Variants in PPM1H observed in about 807,000 individuals in gnomAD.
The protein encoded by PPM1H is protein phosphatase 1H.
Under a neutral mutation model 54.9 loss-of-function variants are expected in PPM1H, and 27 were observed. That is an observed-to-expected ratio of 0.49 (90% CI 0.36 to 0.68). The LOEUF (loss-of-function observed/expected upper bound fraction) is 0.68. Ranked by LOEUF, PPM1H falls within the 30% of genes least tolerant of loss-of-function variation. The probability of loss-of-function intolerance (pLI) is 0.00; values close to 1 mark genes in which losing one functional copy is unlikely to be tolerated. For missense variants in PPM1H, 596 were observed against 667.8 expected, an observed-to-expected ratio of 0.89 and a Z score of 1.19; for synonymous variants, 305 against 270.8, an observed-to-expected ratio of 1.13 and a Z score of -1.24.
intron 3 of PPM1H, among the ~76,000 whole-genome samples, chr12:62,795,404 T>C (rs2076726753): frequency 6.6e-6 from 1 of 152,034 alleles, no homozygotes; most frequent in Admixed American, 6.6e-5. Context: ...TATTTCTATA[T>C]TCATATAATG....
intron 8 of PPM1H, among the ~76,000 whole-genome samples, chr12:62,683,683 G>A (rs528505720): frequency 3.9e-5 from 6 of 152,316 alleles, no homozygotes; most frequent in East Asian, 1.9e-4. Context: ...TAGCAGGGGC[G>A]GAAAGGGGGC....
chr12:62,664,960 G>A (rs1237577366), intron 9 of PPM1H, among the ~76,000 whole-genome samples: 1 of 150,238 alleles, frequency 6.7e-6, no homozygotes, highest in Non-Finnish European at 1.5e-5. Context: ...TTGAAAGTTG[G>A]CTGTCAGTCT....
At chr12:62,725,660 T>A (rs770852304) in intron 5 of PPM1H, among the ~76,000 whole-genome samples, 1 of 152,238 alleles carries the variant, frequency 6.6e-6, no homozygotes, top group Non-Finnish European at 1.5e-5. Context: ...TAGATTTGTA[T>A]GCTTTTCTCT....
At chr12:62,857,794 G>T (rs1869443421) in intron 1 of PPM1H, among the ~76,000 whole-genome samples, 1 of 151,966 alleles carries the variant, frequency 6.6e-6, no homozygotes, top group African/African-American at 2.4e-5. Context: ...TCATAACTCT[G>T]AACTTTATAT....
intron 4 of PPM1H, among the ~76,000 whole-genome samples, chr12:62,744,965 G>T (rs1025134085): frequency 2.6e-5 from 4 of 152,172 alleles, no homozygotes; most frequent in African/African-American, 9.7e-5. Flanking sequence ...CATGTCATCT[G>T]CCAGACCTTC....
At chr12:62,821,680 G>T (rs1038412403) in intron 2 of PPM1H, among the ~76,000 whole-genome samples, 11 of 152,170 alleles carry the variant, frequency 7.2e-5, no homozygotes, top group Non-Finnish European at 1.5e-4. Context: ...AAGTGAAGGA[G>T]AAATAAAATC....
intron 4 of PPM1H, among the ~76,000 whole-genome samples, chr12:62,753,759 C>T (rs541472048): frequency 7.9e-5 from 12 of 151,982 alleles, no homozygotes; most frequent in Non-Finnish European, 1.5e-4. Flanking sequence ...TTCTCTCCCC[C>T]TCTCTCTGGC....
chr12:62,904,079 A>G (rs573842803), intron 1 of PPM1H, among the ~76,000 whole-genome samples: 1 of 152,310 alleles, frequency 6.6e-6, no homozygotes, highest in South Asian at 2.1e-4. Flanking sequence ...CTTCACTTCA[A>G]AGGAATTACA....
rs141731609 is a variant in PPM1H at position 62,746,695 on chromosome 12, C to A, written c.870-9109G>T. 2.3e-3 allele frequency among the ~76,000 whole-genome samples: 349 copies of A among 152,346 alleles called. 2 individuals carry two copies. Among genetic ancestry groups the A allele is most frequent in the African/African-American group, 8.2e-3 (339 of 41,570 alleles). ...CGGGGCAAGCAAAACTCAACTTACA[C>A]TGTTGTGTGGTGTGGTTTCACCCTG... On this transcript the variant is annotated intron_variant, in intron 4 of 9. Coordinates refer to ENST00000228705, the MANE Select transcript of PPM1H (RefSeq NM_020700.2).
intron 1 of PPM1H, among the ~76,000 whole-genome samples, chr12:62,899,449 GA>G: frequency 6.6e-6 from 1 of 152,202 alleles, no homozygotes; most frequent in African/African-American, 2.4e-5. Context: ...CAATATAACT[GA>G]AACTAGATGG....
At chr12:62,879,199 C>G (rs921053553) in intron 1 of PPM1H, among the ~76,000 whole-genome samples, 2 of 152,204 alleles carry the variant, frequency 1.3e-5, no homozygotes, top group African/African-American at 4.8e-5. Flanking sequence ...CCTTCTCTAT[C>G]CTCCTCTGGA....
chr12:62,794,420 C>T (rs908345029), intron 3 of PPM1H, among the ~76,000 whole-genome samples: 11 of 152,142 alleles, frequency 7.2e-5, no homozygotes, highest in Admixed American at 3.3e-4. Context: ...TTTTTATCAA[C>T]AAAGTCTAGC....
At chr12:62,766,171 T>C (rs544138932) in intron 4 of PPM1H, among the ~76,000 whole-genome samples, 4 of 152,122 alleles carry the variant, frequency 2.6e-5, no homozygotes, top group African/African-American at 9.6e-5. Flanking sequence ...CAGGTCAGGG[T>C]AAATTATCCT....
chr12:62,748,168 G>A (rs943947539), intron 4 of PPM1H, among the ~76,000 whole-genome samples: 3 of 152,098 alleles, frequency 2.0e-5, no homozygotes, highest in African/African-American at 7.2e-5. Context: ...GCGTGAACCC[G>A]GGAGGCGGAG....
chr12:62,805,713 A>AT (rs2076802025), intron 2 of PPM1H, among the ~76,000 whole-genome samples: 1 of 152,160 alleles, frequency 6.6e-6, no homozygotes, highest in Non-Finnish European at 1.5e-5. Flanking sequence ...AAGTGGGGAG[A>AT]TAATGGTCAA....
intron 5 of PPM1H, among the ~76,000 whole-genome samples, chr12:62,737,270 T>C (rs1438291449): frequency 6.7e-6 from 1 of 149,914 alleles, no homozygotes; most frequent in Non-Finnish European, 1.5e-5. Flanking sequence ...TGTCTTCAAT[T>C]GGTCACAGAT....
intron 9 of PPM1H, among the ~76,000 whole-genome samples, chr12:62,664,200 A>G (rs2136609007): frequency 6.6e-6 from 1 of 152,322 alleles, no homozygotes; most frequent in East Asian, 1.9e-4. Flanking sequence ...GGATAAAGTT[A>G]GCTCATGGCA....
chr12:62,671,333 C>T (rs1243854255), intron 8 of PPM1H, among the ~76,000 whole-genome samples: 4 of 152,088 alleles, frequency 2.6e-5, no homozygotes. Flanking sequence ...CCCGGGTTCC[C>T]ATCCACCAAG....
At position 62,730,518 on chromosome 12, in the gene PPM1H, T is replaced by C. The variant is rs2076315382; in HGVS notation, c.954+6984A>G. The stretch of plus-strand genomic sequence containing the variant: ...ATGGCAGATTCCACGACAGAAAATC[T>C]TTTGTAAAGTTCTCTGACTAAAACT... On this transcript the variant is annotated intron_variant, in intron 5 of 9. Transcript: ENST00000228705. 2.0e-5 allele frequency among the ~76,000 whole-genome samples: 3 copies of C among 152,228 alleles called. No homozygotes were observed. In the South Asian group the frequency reaches 6.2e-4, roughly 31 times the overall value.
Sources: allele counts gnomAD v4.1 joint callset (sites outside exome capture counted in the v4.1 genomes callset), GRCh38; gene constraint gnomAD v4.1.1; transcripts MANE v1.5; gene names NCBI Gene and HGNC (gene_info 2026-07-23, HGNC 2026-07-21).